TACC2: variants seen among roughly 807,000 people sequenced by gnomAD.
TACC2 encodes transforming acidic coiled-coil-containing protein 2.
In TACC2, 137 loss-of-function variants were observed where a neutral mutation model predicts 227.3. That is an observed-to-expected ratio of 0.60 (90% CI 0.52 to 0.69). The LOEUF is 0.69. Among genes scored for constraint, TACC2 ranks in the 30% least tolerant of loss-of-function variants. The pLI is 0.00. For synonymous variants in TACC2, 1,523 were observed against 1,487.5 expected, an observed-to-expected ratio of 1.02 and a Z score of -0.55; for missense variants, 3,470 against 3,694.4, an observed-to-expected ratio of 0.94 and a Z score of 1.57.
chr10:122,094,154 A>G (rs73370147), intron 5 of TACC2, among the ~76,000 whole-genome samples: 5,214 of 152,334 alleles, frequency 0.034, 291 homozygotes, highest in African/African-American at 0.11. Context: ...CATATACCAA[A>G]GTCAAGGAGC....
Position 122,083,722 on chromosome 10 carries a change from TC to T in TACC2, c.1225del (p.Leu409CysfsTer26). ...GGGTTTGCCTGTGAGCCCTGAACCT[TC>T]CCTGCTCACTCCGACTGAGGAAGCA... ...EGGLPVSPEP[S>X]LLTPTEEAHP... is the part of the protein sequence containing the mutation. On this transcript the variant is annotated frameshift_variant, in exon 4 of 23. Coordinates refer to ENST00000369005, the MANE Select transcript of TACC2 (RefSeq NM_206862.4). LOFTEE classifies it high-confidence loss of function. 6.2e-7 allele frequency: 1 copy of T among 1,613,928 alleles called. No individual in the cohort carries two copies.
chr10:122,053,567 C>T (rs2075927415), intron 3 of TACC2, among the ~76,000 whole-genome samples: 1 of 152,190 alleles, frequency 6.6e-6, no homozygotes, highest in Admixed American at 6.5e-5. Flanking sequence ...CACACTGCCC[C>T]TCAGGCTGAG....
intron 3 of TACC2, among the ~76,000 whole-genome samples, chr10:122,054,263 G>C (rs1328674466): frequency 6.6e-6 from 1 of 152,200 alleles, no homozygotes; most frequent in Non-Finnish European, 1.5e-5. Flanking sequence ...CAACCATCCA[G>C]AGTCTGGGAC....
At chr10:122,001,129 G>C (rs1002831507) in intron 1 of TACC2, among the ~76,000 whole-genome samples, 2 of 152,150 alleles carry the variant, frequency 1.3e-5, no homozygotes, top group African/African-American at 4.8e-5. Flanking sequence ...GGCCCTGTTG[G>C]ATTGTTTTAA....
At chr10:122,012,436 A>AAAAAAT (rs1956064250) in intron 1 of TACC2, among the ~76,000 whole-genome samples, 1 of 150,154 alleles carries the variant, frequency 6.7e-6, no homozygotes, top group Non-Finnish European at 1.5e-5. Flanking sequence ...AAAAAAAAAA[A>AAAAAAT]AAAGATGGGG....
intron 2 of TACC2, among the ~76,000 whole-genome samples, chr10:122,046,703 A>G (rs1163538482): frequency 6.6e-6 from 1 of 152,052 alleles, no homozygotes; most frequent in Admixed American, 6.6e-5. Flanking sequence ...TGTCTGGGCT[A>G]TTATTTGTCT....
At chr10:122,031,787 C>A (rs1166619179) in intron 2 of TACC2, among the ~76,000 whole-genome samples, 2 of 151,890 alleles carry the variant, frequency 1.3e-5, no homozygotes, top group African/African-American at 4.8e-5. Context: ...TCACTGCAAC[C>A]ACCGCCTCCC....
In TACC2 at chr10:122,083,905, G is replaced by T; in HGVS notation, c.1405G>T (p.Glu469Ter). The change falls in exon 4 of 23, where the codon GAG becomes TAG. Residue 469 changes from glutamate to a stop codon, truncating the protein, a stop_gained. Coordinates refer to ENST00000369005, the MANE Select transcript of TACC2 (RefSeq NM_206862.4). LOFTEE classifies it high-confidence loss of function. ...GGTGGATGCAGGGTTGGTGGGACTG[G>T]AGAGGCAGGTGTCAGATCTTGGAAG... ...EVVDAGLVGL[E>*]RQVSDLGSKG... is the part of the protein sequence containing the mutation. 6.2e-7 allele frequency: 1 copy of T among 1,614,158 alleles called. No homozygotes were observed. Among genetic ancestry groups the T allele is most frequent in the Non-Finnish European group, 8.5e-7 (1 of 1,180,020 alleles).
chr10:122,013,801 A>G (rs1476938050), intron 1 of TACC2, among the ~76,000 whole-genome samples: 1 of 152,188 alleles, frequency 6.6e-6, no homozygotes, highest in Admixed American at 6.5e-5. Context: ...AGATGAGAGA[A>G]GGCAAGCCTG....
In TACC2 at chr10:122,041,600, C is replaced by T. The variant is rs535052611; in HGVS notation, c.34-8838C>T. Among the ~76,000 whole-genome samples the T allele has an allele frequency of 1.3e-3, 199 of 152,280 alleles. 1 individual carries two copies. Among genetic ancestry groups the T allele is most frequent in the Admixed American group, 2.2e-3 (33 of 15,284 alleles). ...TAGCTGGGATTACAGGTGCACACCGCCATGCCTGGCTACTTTTTTGTATTT... is the reference window on the plus strand; with the variant it reads ...TAGCTGGGATTACAGGTGCACACCGTCATGCCTGGCTACTTTTTTGTATTT... On this transcript the variant is annotated intron_variant, in intron 2 of 22. Transcript: ENST00000369005.
intron 7 of TACC2, among the ~76,000 whole-genome samples, chr10:122,144,026 G>A (rs952986920): frequency 1.3e-5 from 2 of 152,214 alleles, no homozygotes; most frequent in Non-Finnish European, 2.9e-5. Context: ...TATATGCAGA[G>A]AGAGGGATTT....
intron 2 of TACC2, among the ~76,000 whole-genome samples, chr10:122,042,659 C>A (rs984172811): frequency 1.4e-4 from 22 of 152,184 alleles, no homozygotes; most frequent in African/African-American, 5.1e-4. Flanking sequence ...ACAATGTCTA[C>A]GTGGTCTAGC....
chr10:122,037,756 C>A (rs769969935), intron 2 of TACC2, among the ~76,000 whole-genome samples: 1 of 152,180 alleles, frequency 6.6e-6, no homozygotes, highest in Non-Finnish European at 1.5e-5. Flanking sequence ...TCAACAGTCA[C>A]GGCGCCTGAG....
intron 15 of TACC2, 112 bp downstream of exon 15, chr10:122,229,598 T>A: frequency 8.0e-7 from 1 of 1,243,314 alleles, no homozygotes; most frequent in South Asian, 1.4e-5. Context: ...GCCGAGAACG[T>A]TCCCAGTGAC....
intron 15 of TACC2, among the ~76,000 whole-genome samples, chr10:122,229,749 A>G (rs1377743685): frequency 1.3e-5 from 2 of 152,198 alleles, no homozygotes; most frequent in African/African-American, 4.8e-5. Flanking sequence ...ATTTAGAAGC[A>G]TTGATAGCCC....
At chr10:122,132,809 C>G in intron 6 of TACC2, 75 bp downstream of exon 6, 1 of 1,474,166 alleles carries the variant, frequency 6.8e-7, no homozygotes, top group Non-Finnish European at 9.4e-7. Context: ...CCGCTCCCCT[C>G]CCTTCCCCTC....
At chr10:122,026,712 C>A (rs377319666) in intron 2 of TACC2, among the ~76,000 whole-genome samples, 2 of 148,590 alleles carry the variant, frequency 1.3e-5, no homozygotes, top group Non-Finnish European at 3.0e-5. Flanking sequence ...GAATGTCATA[C>A]GGTTGGATCC....
intron 1 of TACC2, among the ~76,000 whole-genome samples, chr10:122,003,362 T>C (rs988499118): frequency 6.6e-6 from 1 of 152,234 alleles, no homozygotes; most frequent in Non-Finnish European, 1.5e-5. Flanking sequence ...GTTGGGAATT[T>C]AATTCATTAT....
chr10:122,061,772 G>A (rs888269011), intron 3 of TACC2, among the ~76,000 whole-genome samples: 1 of 152,144 alleles, frequency 6.6e-6, no homozygotes, highest in Non-Finnish European at 1.5e-5. Context: ...AATAATTCTA[G>A]AACAAGCTAA....
Sources: allele counts gnomAD v4.1 joint callset (sites outside exome capture counted in the v4.1 genomes callset), GRCh38; gene constraint gnomAD v4.1.1; transcripts MANE v1.5; gene names NCBI Gene and HGNC (gene_info 2026-07-23, HGNC 2026-07-21).